Variants in PBX3 observed in about 807,000 individuals in gnomAD.
PBX3 encodes pre-B-cell leukemia transcription factor 3.
In PBX3, 14 loss-of-function variants were observed where a neutral mutation model predicts 48.5. The ratio of observed to expected loss-of-function variants is 0.29; its 90% CI spans 0.19 to 0.45. The LOEUF (loss-of-function observed/expected upper bound fraction) is 0.45, where lower values mean the gene tolerates loss of function less well. Among genes scored for constraint, PBX3 ranks in the 20% least tolerant of loss-of-function variants. PBX3 has a pLI of 1.00. For synonymous variants in PBX3, 210 were observed against 200.3 expected, an observed-to-expected ratio of 1.05 and a Z score of -0.41; for missense variants, 386 against 546.7, an observed-to-expected ratio of 0.71 and a Z score of 2.93.
chr9:125,960,093 G>T (rs1842394866), intron 5 of PBX3, among the ~76,000 whole-genome samples: 1 of 151,162 alleles, frequency 6.6e-6, no homozygotes, highest in Non-Finnish European at 1.5e-5. Context: ...GACCTGGTTG[G>T]AATTACTTGA....
At chr9:125,883,131 T>G (rs1266962844) in intron 2 of PBX3, among the ~76,000 whole-genome samples, 2 of 152,256 alleles carry the variant, frequency 1.3e-5, no homozygotes, top group African/African-American at 4.8e-5. Context: ...GTTTAAGTCT[T>G]TTAATATATA....
chr9:125,786,663 A>G (rs188310491), intron 2 of PBX3, among the ~76,000 whole-genome samples: 1 of 152,236 alleles, frequency 6.6e-6, no homozygotes, highest in East Asian at 1.9e-4. Flanking sequence ...GGCTTTCAGT[A>G]GATGTCGGGA....
At chr9:125,868,701 C>T (rs990113607) in intron 2 of PBX3, among the ~76,000 whole-genome samples, 1 of 152,184 alleles carries the variant, frequency 6.6e-6, no homozygotes, top group Non-Finnish European at 1.5e-5. Flanking sequence ...TGAACTTGCC[C>T]ATGGCCCCAG....
intron 5 of PBX3, 141 bp from the exon 6 acceptor site, chr9:125,960,543 T>C (rs1284539730): frequency 5.2e-5 from 36 of 686,884 alleles, no homozygotes; most frequent in Admixed American, 1.1e-4. Flanking sequence ...AAAACCATTA[T>C]GCATGATCCA....
chr9:125,782,463 A>C (rs1837347976), intron 2 of PBX3, among the ~76,000 whole-genome samples: 1 of 152,142 alleles, frequency 6.6e-6, no homozygotes, highest in Non-Finnish European at 1.5e-5. Flanking sequence ...ACTCCTTTAC[A>C]ACTCCATTTT....
In PBX3 at chr9:125,928,647, A is replaced by C. The variant is rs539253858; in HGVS notation, c.517-1008A>C. On this transcript the variant is annotated intron_variant, in intron 3 of 8. Transcript: ENST00000373489. ...CGGTGGGCTAATTTTTTGTATTTTT[A>C]GTAGAGATGGGGTTTCACTGTGTTA... 2.6e-5 allele frequency among the ~76,000 whole-genome samples: 4 copies of C among 152,028 alleles called. No homozygotes were observed. The South Asian group carries it at 8.3e-4, about 32-fold the overall frequency.
At chr9:125,894,589 C>G (rs1840725918) in intron 2 of PBX3, among the ~76,000 whole-genome samples, 1 of 151,980 alleles carries the variant, frequency 6.6e-6, no homozygotes, top group East Asian at 1.9e-4. Flanking sequence ...AAAGAGCAAC[C>G]TGAGTCAATA....
At chr9:125,834,763 C>T (rs112364458) in intron 2 of PBX3, among the ~76,000 whole-genome samples, 2 of 150,096 alleles carry the variant, frequency 1.3e-5, no homozygotes, top group African/African-American at 4.9e-5. Context: ...TGCCTGTAAT[C>T]GCAGCACTTT....
At chr9:125,901,879 C>T (rs923045404) in intron 2 of PBX3, among the ~76,000 whole-genome samples, 3 of 151,684 alleles carry the variant, frequency 2.0e-5, no homozygotes, top group Admixed American at 1.3e-4. Context: ...TCAGAGTTCT[C>T]CAGATCAAGT....
At chr9:125,753,982 A>G (rs2131954898) in intron 2 of PBX3, among the ~76,000 whole-genome samples, 1 of 152,232 alleles carries the variant, frequency 6.6e-6, no homozygotes, top group Admixed American at 6.5e-5. Flanking sequence ...GGATGAAGTT[A>G]CATTATATGA....
chr9:125,953,927 T>G (rs1358621847), intron 5 of PBX3, among the ~76,000 whole-genome samples: 1 of 152,248 alleles, frequency 6.6e-6, no homozygotes, highest in Non-Finnish European at 1.5e-5. Context: ...CAAAGAGGAC[T>G]CAGGTATGCA....
At chr9:125,848,044 G>T (rs1839474687) in intron 2 of PBX3, among the ~76,000 whole-genome samples, 1 of 151,950 alleles carries the variant, frequency 6.6e-6, no homozygotes, top group African/African-American at 2.4e-5. Flanking sequence ...CTAATGCGTT[G>T]ATGGTTCACA....
intron 2 of PBX3, among the ~76,000 whole-genome samples, chr9:125,836,242 G>A (rs1280040019): frequency 1.3e-5 from 2 of 152,100 alleles, no homozygotes; most frequent in Non-Finnish European, 2.9e-5. Context: ...TCAAGAGATC[G>A]AGACCATCCT....
intron 2 of PBX3, among the ~76,000 whole-genome samples, chr9:125,826,835 G>A (rs879698127): frequency 1.3e-5 from 2 of 151,962 alleles, no homozygotes; most frequent in African/African-American, 4.8e-5. Context: ...GAGTATTTAA[G>A]GTATCCATCA....
At chr9:125,909,086 C>CA (rs1173479503) in intron 2 of PBX3, among the ~76,000 whole-genome samples, 2 of 152,052 alleles carry the variant, frequency 1.3e-5, no homozygotes, top group African/African-American at 4.8e-5. Context: ...CTCCATTTAA[C>CA]AAAAAAGTGC....
At chr9:125,851,254 C>T (rs1053271531) in intron 2 of PBX3, among the ~76,000 whole-genome samples, 3 of 152,032 alleles carry the variant, frequency 2.0e-5, no homozygotes, top group Non-Finnish European at 4.4e-5. Context: ...TCTTAAAGTG[C>T]GAGACACAAT....
chr9:125,780,388 A>C (rs1352871196), intron 2 of PBX3, among the ~76,000 whole-genome samples: 4 of 107,166 alleles, frequency 3.7e-5, no homozygotes, highest in South Asian at 3.3e-4. Context: ...TCCCTCCCAG[A>C]CGGGGCGGCT....
chr9:125,816,089 C>T (rs1045415506), intron 2 of PBX3, among the ~76,000 whole-genome samples: 1 of 152,174 alleles, frequency 6.6e-6, no homozygotes, highest in Non-Finnish European at 1.5e-5. Context: ...ACTGCAGCCC[C>T]GACTGCCCGG....
At chr9:125,948,567 C>G (rs1405701334) in intron 5 of PBX3, among the ~76,000 whole-genome samples, 1 of 151,918 alleles carries the variant, frequency 6.6e-6, no homozygotes. Flanking sequence ...CGATAACATA[C>G]CAAAACTCAT....
Sources: allele counts gnomAD v4.1 joint callset (sites outside exome capture counted in the v4.1 genomes callset), GRCh38; gene constraint gnomAD v4.1.1; transcripts MANE v1.5; gene names NCBI Gene and HGNC (gene_info 2026-07-23, HGNC 2026-07-21).